The following RARB variants were observed in gnomAD, a reference collection of about 807,000 sequenced individuals.
RARB encodes retinoic acid receptor beta, also known as HBV-activated protein.
RARB carries 17 observed loss-of-function variants against 51.9 expected under a neutral mutation model. The ratio of observed to expected loss-of-function variants is 0.33; its 90% CI spans 0.22 to 0.49. The LOEUF is 0.49. Ranked by LOEUF, RARB falls within the 20% of genes least tolerant of loss-of-function variation. The pLI, the probability that RARB is intolerant of heterozygous loss-of-function variation, is 0.99. For synonymous variants in RARB, 215 were observed against 195.4 expected (o/e 1.10, Z -0.84); for missense variants, 369 against 550.8 (o/e 0.67, Z 3.30).
In RARB at chr3:24,852,223, G is replaced by A. The variant is rs114489622; in HGVS notation, c.-458-6451G>A. ...ATGTTGGATGTATTTTTATATTTGC[G>A]GGACGAATCTGAAAGCACCATTTCG... On this transcript the variant is annotated intron_variant, in intron 1 of 11. Transcript: ENST00000383772. Among the ~76,000 whole-genome samples the A allele has an allele frequency of 3.7e-3, 568 of 152,192 alleles. 3 individuals carry two copies. The highest frequency in any genetic ancestry group is 0.012 in the African/African-American group (503 of 41,534).
intron 4 of RARB, among the ~76,000 whole-genome samples, chr3:25,138,078 T>A (rs924314082): frequency 3.4e-4 from 51 of 152,104 alleles, no homozygotes; most frequent in African/African-American, 1.2e-3. Flanking sequence ...AGGCTTTGTT[T>A]TGACTTCAGA....
intron 2 of RARB, among the ~76,000 whole-genome samples, chr3:25,462,820 A>C (rs922645346): frequency 1.3e-5 from 2 of 152,118 alleles, no homozygotes; most frequent in African/African-American, 4.8e-5. Context: ...CCTCATTCCC[A>C]TCAGGCTGGC....
intron 4 of RARB, among the ~76,000 whole-genome samples, chr3:25,571,616 G>A (rs894425672): frequency 6.6e-6 from 1 of 152,304 alleles, no homozygotes; most frequent in Middle Eastern, 3.4e-3. Context: ...TTTTCACCTG[G>A]GAGAGAAAGT....
At chr3:25,552,201 A>G (rs540933784) in intron 3 of RARB, among the ~76,000 whole-genome samples, 2 of 152,272 alleles carry the variant, frequency 1.3e-5, no homozygotes, top group Non-Finnish European at 2.9e-5. Context: ...CTGACCAACC[A>G]TTGTGCAATT....
chr3:25,371,520 T>C (rs1706298543), intron 5 of RARB, among the ~76,000 whole-genome samples: 1 of 152,230 alleles, frequency 6.6e-6, no homozygotes, highest in African/African-American at 2.4e-5. Context: ...TGCTGATTAT[T>C]GAATTAATGA....
intron 5 of RARB, among the ~76,000 whole-genome samples, chr3:25,254,604 G>A (rs189315966): frequency 3.1e-4 from 47 of 151,946 alleles, no homozygotes; most frequent in Non-Finnish European, 5.4e-4. Context: ...CTGGGGGGTC[G>A]GGGGGTGCTA....
At chr3:25,232,461 A>G (rs1408917313) in intron 5 of RARB, among the ~76,000 whole-genome samples, 1 of 152,096 alleles carries the variant, frequency 6.6e-6, no homozygotes, top group Non-Finnish European at 1.5e-5. Flanking sequence ...GTATATCTCT[A>G]TGTATTATAT....
At chr3:25,176,073 C>G (rs1029923360) in intron 5 of RARB, among the ~76,000 whole-genome samples, 1 of 152,138 alleles carries the variant, frequency 6.6e-6, no homozygotes, top group Non-Finnish European at 1.5e-5. Flanking sequence ...TTCCGTTGCT[C>G]AACTGGCCTG....
At chr3:25,170,625 G>A (rs1323435805) in intron 4 of RARB, among the ~76,000 whole-genome samples, 1 of 152,188 alleles carries the variant, frequency 6.6e-6, no homozygotes, top group East Asian at 1.9e-4. Context: ...AAGGTTGGAA[G>A]CTTACATGCA....
intron 4 of RARB, among the ~76,000 whole-genome samples, chr3:25,139,422 T>G (rs1023489871): frequency 1.3e-5 from 2 of 152,104 alleles, no homozygotes; most frequent in Admixed American, 1.3e-4. Context: ...CGGAGAAAGT[T>G]TTAGTGGTGT....
intron 1 of RARB, among the ~76,000 whole-genome samples, chr3:25,430,503 C>T (rs973337468): frequency 2.0e-5 from 3 of 152,156 alleles, no homozygotes; most frequent in Admixed American, 6.6e-5. Flanking sequence ...GTTATTAGAC[C>T]TAATAGAGTT....
At chr3:25,488,291 C>T (rs1696564682) in intron 2 of RARB, among the ~76,000 whole-genome samples, 2 of 152,030 alleles carry the variant, frequency 1.3e-5, no homozygotes, top group Admixed American at 1.3e-4. Flanking sequence ...GTGTGTGTTC[C>T]GAGGAAGAAG....
At chr3:24,872,746 A>G (rs139636981) in intron 2 of RARB, among the ~76,000 whole-genome samples, 10 of 152,188 alleles carry the variant, frequency 6.6e-5, no homozygotes, top group African/African-American at 2.4e-4. Flanking sequence ...CCAGGCCCCA[A>G]CTCTAACACT....
intron 5 of RARB, among the ~76,000 whole-genome samples, chr3:25,357,776 C>T (rs1045885540): frequency 1.3e-5 from 2 of 152,102 alleles, no homozygotes; most frequent in Non-Finnish European, 2.9e-5. Flanking sequence ...GGAATCCTTT[C>T]CCCATTTCTT....
intron 2 of RARB, among the ~76,000 whole-genome samples, chr3:25,467,713 C>A (rs1029245184): frequency 1.3e-5 from 2 of 152,222 alleles, no homozygotes; most frequent in African/African-American, 4.8e-5. Context: ...CCAGAACTTG[C>A]ATTTGGTTAC....
chr3:25,016,734 A>C (rs1355335262), intron 2 of RARB, among the ~76,000 whole-genome samples: 2 of 152,060 alleles, frequency 1.3e-5, no homozygotes, highest in Non-Finnish European at 2.9e-5. Flanking sequence ...TTTTCCCCCC[A>C]GGATATGCCA....
intron 5 of RARB, among the ~76,000 whole-genome samples, chr3:25,215,829 G>A (rs532552345): frequency 5.3e-5 from 8 of 152,224 alleles, no homozygotes; most frequent in African/African-American, 1.4e-4. Context: ...TTCTACAAAT[G>A]GAGCCACACT....
At chr3:25,471,272 G>A (rs186029892) in intron 2 of RARB, among the ~76,000 whole-genome samples, 130 of 152,108 alleles carry the variant, frequency 8.5e-4, no homozygotes, top group Non-Finnish European at 1.7e-3. Context: ...ACTATCTTTA[G>A]GCAAACTCTT....
chr3:25,597,798 C>T lies in RARB; in HGVS notation c.*1182C>T, dbSNP rs1186752546. On this transcript the variant is annotated 3_prime_UTR_variant, in exon 8 of 8. Coordinates refer to ENST00000330688, the MANE Select transcript of RARB (RefSeq NM_000965.5). Reference sequence around the variant, plus strand: ...GAATTTTTTTTTTTTGATATATTAGCAAGTCTGTGATGTACTTTCACTGGC... The same window carrying T: ...GAATTTTTTTTTTTTGATATATTAGTAAGTCTGTGATGTACTTTCACTGGC... The T allele has an allele frequency of 1.3e-5, 2 of 151,846 alleles. No homozygotes were observed. Among genetic ancestry groups the T allele is most frequent in the Non-Finnish European group, 2.9e-5 (2 of 67,962 alleles). 9.4% of individuals were successfully genotyped at this position (151,846 alleles called of 1,614,324 possible).
Sources: allele counts gnomAD v4.1 joint callset (sites outside exome capture counted in the v4.1 genomes callset), GRCh38; gene constraint gnomAD v4.1.1; transcripts MANE v1.5; gene names NCBI Gene and HGNC (gene_info 2026-07-23, HGNC 2026-07-21).